Variants in CHAT observed in about 807,000 individuals in gnomAD.
CHAT encodes choline O-acetyltransferase.
CHAT carries 61 observed loss-of-function variants against 76.9 expected under a neutral mutation model. The observed-to-expected ratio is 0.79, with a 90% CI of 0.65 to 0.98. CHAT has a LOEUF of 0.98. CHAT is among the 50% of genes least tolerant of loss of function. The probability of loss-of-function intolerance (pLI) is 0.00; values close to 1 mark genes in which losing one functional copy is unlikely to be tolerated. For missense variants in CHAT, 946 were observed against 986.9 expected, an observed-to-expected ratio of 0.96 and a Z score of 0.56; for synonymous variants, 407 against 397.4, an observed-to-expected ratio of 1.02 and a Z score of -0.29.
chr10:49,636,463 T>C (rs979379601), intron 7 of CHAT, among the ~76,000 whole-genome samples: 1 of 152,220 alleles, frequency 6.6e-6, no homozygotes, highest in African/African-American at 2.4e-5. Flanking sequence ...GCCACTGGTC[T>C]ATAGTTGGTT....
At chr10:49,658,252 A>G (rs1481456021) in intron 13 of CHAT, among the ~76,000 whole-genome samples, 2 of 152,160 alleles carry the variant, frequency 1.3e-5, no homozygotes, top group African/African-American at 4.8e-5. Context: ...GTGGTGGCTC[A>G]CACCTGTAAT....
At chr10:49,643,411 T>C (rs1456240451) in intron 7 of CHAT, among the ~76,000 whole-genome samples, 2 of 152,126 alleles carry the variant, frequency 1.3e-5, no homozygotes, top group African/African-American at 4.8e-5. Flanking sequence ...CCTCCTGGCA[T>C]GCCTCTCCCT....
intron 8 of CHAT, 124 bp downstream of exon 8, chr10:49,646,798 G>A: frequency 9.0e-7 from 1 of 1,110,978 alleles, no homozygotes; most frequent in Non-Finnish European, 1.3e-6. Flanking sequence ...GCACTCACTG[G>A]TTTCTGCTGC....
At chr10:49,611,230 G>T, upstream of CHAT, 2 of 1,613,830 alleles carry the variant, frequency 1.2e-6, no homozygotes, top group East Asian at 2.2e-5. Flanking sequence ...CGTCATGTTC[G>T]CCTCTACAGT....
In CHAT at chr10:49,667,171, G is replaced by A. The variant is rs1025631124; in HGVS notation, c.*2125G>A. Reference sequence around the variant, plus strand: ...CTTTGTCTGGAGTCTGCCAGCAGCAGTAGCTAATGTCTAAAAGACACAGGG... The same window carrying A: ...CTTTGTCTGGAGTCTGCCAGCAGCAATAGCTAATGTCTAAAAGACACAGGG... On this transcript the variant is annotated 3_prime_UTR_variant, in exon 15 of 15. Coordinates refer to ENST00000337653, the MANE Select transcript of CHAT (RefSeq NM_020549.5). Among the ~76,000 whole-genome samples the A allele has an allele frequency of 3.9e-5, 6 of 152,212 alleles. No homozygotes were observed. The highest frequency in any genetic ancestry group is 1.4e-4 in the African/African-American group (6 of 41,458).
At chr10:49,640,254 C>T (rs1839436199) in intron 7 of CHAT, among the ~76,000 whole-genome samples, 2 of 152,158 alleles carry the variant, frequency 1.3e-5, no homozygotes, top group African/African-American at 4.8e-5. Context: ...TCAATGCAGC[C>T]TCCGCCTCCC....
At position 49,667,086 on chromosome 10, in the gene CHAT, G is replaced by A. The variant is rs965304467; in HGVS notation, c.*2040G>A. ...AGAACAAGAGTGTCCCCACTTGCAA[G>A]ACTATGAGGATTGGAGAGCATGTGT... is the stretch of plus-strand genomic sequence containing the variant. On this transcript the variant is annotated 3_prime_UTR_variant, in exon 15 of 15. Transcript: ENST00000337653. Among the ~76,000 whole-genome samples, 1 of 152,324 alleles carries A rather than the reference G, an allele frequency of 6.6e-6. No individual in the cohort carries two copies. The highest frequency in any genetic ancestry group is 1.9e-4 in the East Asian group (1 of 5,182).
chr10:49,660,847 G>A (rs1250722068), intron 13 of CHAT, among the ~76,000 whole-genome samples: 2 of 152,170 alleles, frequency 1.3e-5, no homozygotes, highest in Non-Finnish European at 2.9e-5. Context: ...GGTTGGACAT[G>A]GAGGGTAAGG....
intron 11 of CHAT, among the ~76,000 whole-genome samples, chr10:49,654,611 C>A (rs1188254563): frequency 6.6e-6 from 1 of 152,246 alleles, no homozygotes; most frequent in Admixed American, 6.5e-5. Context: ...AGAAGCCCAG[C>A]TGCCCCTGGA....
At chr10:49,643,382 C>A (rs1224194082) in intron 7 of CHAT, among the ~76,000 whole-genome samples, 1 of 152,202 alleles carries the variant, frequency 6.6e-6, no homozygotes, top group African/African-American at 2.4e-5. Flanking sequence ...CTCCATCCAC[C>A]ACCCTGCACT....
chr10:49,611,271 G>C, upstream of CHAT: 1 of 1,611,396 alleles, frequency 6.2e-7, no homozygotes, highest in Non-Finnish European at 8.5e-7. Flanking sequence ...ACTACGCCAC[G>C]CTGTTCGCGG....
intron 13 of CHAT, among the ~76,000 whole-genome samples, chr10:49,656,515 A>G (rs143992573): frequency 6.6e-6 from 1 of 152,312 alleles, no homozygotes; most frequent in East Asian, 1.9e-4. Flanking sequence ...AAAGCCAGGA[A>G]GAATTCCCAG....
chr10:49,633,335 C>T (rs1398392754), intron 7 of CHAT, among the ~76,000 whole-genome samples: 10 of 152,234 alleles, frequency 6.6e-5, no homozygotes, highest in Admixed American at 6.5e-4. Context: ...AGCAGAGCAT[C>T]CAGGTCCCCC....
At chr10:49,643,956 G>T (rs1384061529) in intron 7 of CHAT, among the ~76,000 whole-genome samples, 1 of 152,220 alleles carries the variant, frequency 6.6e-6, no homozygotes, top group Non-Finnish European at 1.5e-5. Context: ...CGGTGGTCTG[G>T]GAATGGCATT....
intron 11 of CHAT, among the ~76,000 whole-genome samples, chr10:49,653,118 C>T (rs1839931302): frequency 1.3e-5 from 2 of 151,952 alleles, no homozygotes; most frequent in South Asian, 2.1e-4. Context: ...GTCCCTAGCA[C>T]CCACACCATA....
Position 49,646,368 on chromosome 10 carries a change from G to A in CHAT, c.1112-137G>A, listed in dbSNP as rs924163069. ...CCCACCCACAGTGGGGCAAGGTGGGGGGTCAGGGCTGGCTCAAGACCTGGG... is the reference window on the plus strand; with the variant it reads ...CCCACCCACAGTGGGGCAAGGTGGGAGGTCAGGGCTGGCTCAAGACCTGGG... On this transcript the variant is annotated intron_variant, in intron 7 of 14. Transcript: ENST00000337653. 6.5e-6 allele frequency: 7 copies of A among 1,071,832 alleles called. No homozygotes were observed. In the African/African-American group the frequency reaches 1.1e-4, roughly 17 times the overall value. 66.4% of individuals were successfully genotyped at this position (1,071,832 alleles called of 1,614,324 possible). A position where few individuals can be genotyped will look rare whatever the true frequency, so the allele number is the denominator to read the frequency against.
At chr10:49,613,032 C>T (rs1378285944), upstream of CHAT, 1 of 152,366 alleles carries the variant, frequency 6.6e-6, no homozygotes, top group African/African-American at 2.4e-5. Flanking sequence ...CGCCAGGCCC[C>T]GCCCTTTGAG....
chr10:49,612,390 G>GC (rs1195912393), upstream of CHAT: 4 of 1,516,296 alleles, frequency 2.6e-6, no homozygotes, highest in Non-Finnish European at 3.6e-6. Context: ...CAAGGGGGCT[G>GC]CTCTGCAAGC....
intron 11 of CHAT, among the ~76,000 whole-genome samples, chr10:49,653,111 C>T (rs1271807039): frequency 1.3e-5 from 2 of 151,808 alleles, no homozygotes; most frequent in African/African-American, 4.8e-5. Flanking sequence ...CCTCTGAGTC[C>T]CTAGCACCCA....
Sources: gnomAD v4.1 joint callset for allele counts (sites outside exome capture counted in the v4.1 genomes callset) on GRCh38, gnomAD v4.1.1 for gene constraint, MANE v1.5 for transcripts, NCBI Gene and HGNC (gene_info 2026-07-23, HGNC 2026-07-21) for gene names.